Variants in SRGAP1 observed in about 807,000 individuals in gnomAD.
SRGAP1 encodes SLIT-ROBO Rho GTPase activating protein 1.
A neutral mutation model predicts 121.9 loss-of-function variants in SRGAP1; 43 were observed. That is an observed-to-expected ratio of 0.35 (90% confidence interval 0.28 to 0.46). SRGAP1 has a LOEUF of 0.46. SRGAP1 is among the 20% of genes least tolerant of loss of function. The probability of loss-of-function intolerance (pLI) is 1.00; values close to 1 mark genes in which losing one functional copy is unlikely to be tolerated. For synonymous variants in SRGAP1, 447 were observed against 485.4 expected, an observed-to-expected ratio of 0.92 and a Z score of 1.04; for missense variants, 1,102 against 1,350.9, an observed-to-expected ratio of 0.82 and a Z score of 2.89.
Position 64,091,348 on chromosome 12 carries a change from G to A in SRGAP1, c.1509G>A (p.Leu503=). The A allele has an allele frequency of 6.2e-7, 1 of 1,609,192 alleles. No individual in the cohort carries two copies. The highest frequency in any genetic ancestry group is 8.5e-7 in the Non-Finnish European group (1 of 1,177,114). Residue 503 remains leucine, a synonymous_variant, in exon 12 of 22, where the codon TTG becomes TTA. Coordinates refer to ENST00000355086, the MANE Select transcript of SRGAP1 (RefSeq NM_020762.4). ...SRPRSQYNTK[L]FNGDLETFVK... ...CCCGCTCACAGTATAATACTAAGTT[G>A]TTTAATGGGGATTTGGAAACATTCG...
chr12:64,043,235 G>A (rs1348001656), intron 5 of SRGAP1, among the ~76,000 whole-genome samples: 1 of 152,178 alleles, frequency 6.6e-6, no homozygotes, highest in Admixed American at 6.5e-5. Flanking sequence ...TGGGCCTGAA[G>A]CCCAAATACA....
intron 3 of SRGAP1, among the ~76,000 whole-genome samples, chr12:64,001,905 C>G (rs1030111679): frequency 1.3e-5 from 2 of 152,188 alleles, no homozygotes; most frequent in African/African-American, 4.8e-5. Context: ...TAAGTATACT[C>G]CACCATGCCT....
chr12:64,058,638 G>A (rs2035388347), intron 6 of SRGAP1, among the ~76,000 whole-genome samples: 1 of 151,940 alleles, frequency 6.6e-6, no homozygotes, highest in Non-Finnish European at 1.5e-5. Flanking sequence ...ATCTTGTATT[G>A]GTTTCTTATG....
rs78544585 is a variant in SRGAP1, at chr12:64,062,336, G to A, written c.802-581G>A. On this transcript the variant is annotated intron_variant, in intron 6 of 21. Transcript: ENST00000355086. ...TGTGCTTGTTGACCATTTGTATGTC[G>A]TCTTTGAAGACATGTCTATTCAGAT... 6.1e-3 allele frequency among the ~76,000 whole-genome samples: 922 copies of A among 152,206 alleles called. 6 individuals are homozygous for A. The highest frequency in any genetic ancestry group is 0.014 in the Middle Eastern group (4 of 294).
intron 18 of SRGAP1, among the ~76,000 whole-genome samples, chr12:64,116,255 CAA>C (rs35619316): frequency 0.029 from 2,112 of 72,604 alleles, 26 homozygotes; most frequent in African/African-American, 0.074. Flanking sequence ...GACCTCATCT[CAA>C]AAAAAAAAAA....
intron 8 of SRGAP1, among the ~76,000 whole-genome samples, chr12:64,071,973 C>G (rs1323926354): frequency 1.3e-5 from 2 of 151,736 alleles, no homozygotes; most frequent in South Asian, 4.2e-4. Flanking sequence ...TAGCATTGCA[C>G]CCATGTTAGG....
intron 3 of SRGAP1, among the ~76,000 whole-genome samples, chr12:64,000,624 A>C (rs1301331739): frequency 6.6e-6 from 1 of 152,094 alleles, no homozygotes; most frequent in Non-Finnish European, 1.5e-5. Context: ...AAAAATCCAA[A>C]AATAATATGT....
chr12:64,049,866 G>T (rs1413831308), intron 6 of SRGAP1, among the ~76,000 whole-genome samples: 1 of 152,054 alleles, frequency 6.6e-6, no homozygotes, highest in Non-Finnish European at 1.5e-5. Flanking sequence ...GATGGCTTTG[G>T]CTACTGGAGG....
chr12:63,988,900 TC>T (rs1428648300), intron 2 of SRGAP1, among the ~76,000 whole-genome samples: 2 of 152,278 alleles, frequency 1.3e-5, no homozygotes, highest in East Asian at 3.9e-4. Context: ...AACCTCGACC[TC>T]CTAGGTTTGA....
At chr12:64,083,977 T>C (rs540381482) in intron 10 of SRGAP1, among the ~76,000 whole-genome samples, 1 of 152,310 alleles carries the variant, frequency 6.6e-6, no homozygotes, top group South Asian at 2.1e-4. Flanking sequence ...TGAGTAATTA[T>C]GGTTTTTTAG....
chr12:63,873,144 G>C (rs1255159115), intron 1 of SRGAP1, among the ~76,000 whole-genome samples: 1 of 152,184 alleles, frequency 6.6e-6, no homozygotes, highest in Non-Finnish European at 1.5e-5. Context: ...ATGCCTGGCA[G>C]TGTAAGTGAA....
intron 18 of SRGAP1, chr12:64,116,146 AC>A (rs1202994593): frequency 1.2e-5 from 5 of 404,108 alleles, no homozygotes; most frequent in Non-Finnish European, 2.3e-5. Context: ...AGTCCCAGTT[AC>A]TCAGAAGGGT....
chr12:63,900,209 T>TTTTCTTTC (rs1258847692), intron 1 of SRGAP1, among the ~76,000 whole-genome samples: 1,861 of 133,134 alleles, frequency 0.014, 50 homozygotes, highest in African/African-American at 0.046. Flanking sequence ...TTTTTCTTTT[T>TTTTCTTTC]TTTTTTTTTT....
intron 3 of SRGAP1, among the ~76,000 whole-genome samples, chr12:64,002,531 G>T (rs1332508832): frequency 6.6e-6 from 1 of 152,140 alleles, no homozygotes; most frequent in Non-Finnish European, 1.5e-5. Flanking sequence ...TTTCAGAAGG[G>T]GTAAAGGTTG....
intron 3 of SRGAP1, among the ~76,000 whole-genome samples, chr12:64,011,294 A>G (rs2034245430): frequency 6.6e-6 from 1 of 152,144 alleles, no homozygotes; most frequent in Non-Finnish European, 1.5e-5. Flanking sequence ...TGACCTATAG[A>G]AAAAAATTGA....
At chr12:63,986,450 G>A (rs2033417989) in intron 2 of SRGAP1, among the ~76,000 whole-genome samples, 1 of 150,956 alleles carries the variant, frequency 6.6e-6, no homozygotes, top group South Asian at 2.1e-4. Context: ...TTGAGATGGA[G>A]TTTTGCTCTG....
At chr12:63,923,827 A>G (rs953420918) in intron 1 of SRGAP1, among the ~76,000 whole-genome samples, 1 of 152,264 alleles carries the variant, frequency 6.6e-6, no homozygotes, top group Non-Finnish European at 1.5e-5. Flanking sequence ...AGACATTTAT[A>G]TAACTTGATA....
chr12:63,895,881 G>A (rs929436642), intron 1 of SRGAP1, among the ~76,000 whole-genome samples: 12 of 152,204 alleles, frequency 7.9e-5, no homozygotes, highest in Non-Finnish European at 1.5e-4. Flanking sequence ...CTCTGTGGGA[G>A]CATTCTGCAC....
chr12:63,933,446 G>A (rs2031552770), intron 1 of SRGAP1, among the ~76,000 whole-genome samples: 1 of 152,044 alleles, frequency 6.6e-6, no homozygotes, highest in Non-Finnish European at 1.5e-5. Flanking sequence ...TAAATTGTGG[G>A]CATGGGGACT....
Sources: allele counts gnomAD v4.1 joint callset (sites outside exome capture counted in the v4.1 genomes callset), GRCh38; gene constraint gnomAD v4.1.1; transcripts MANE v1.5; gene names NCBI Gene and HGNC (gene_info 2026-07-23, HGNC 2026-07-21).